The following ROBO1 variants were observed in gnomAD, a reference collection of about 807,000 sequenced individuals.
The protein encoded by ROBO1 is roundabout guidance receptor 1, also known as roundabout homolog 1.
Under a neutral mutation model 195.9 loss-of-function variants are expected in ROBO1, and 149 were observed. The observed-to-expected ratio is 0.76, with a 90% CI of 0.67 to 0.87. The LOEUF (loss-of-function observed/expected upper bound fraction) is 0.87. Ranked by LOEUF, ROBO1 falls within the 40% of genes least tolerant of loss-of-function variation. The pLI, the probability that ROBO1 is intolerant of heterozygous loss-of-function variation, is 0.00. For synonymous variants in ROBO1, 816 were observed against 733.2 expected, an observed-to-expected ratio of 1.11 and a Z score of -1.82; for missense variants, 1,933 against 2,068.3, an observed-to-expected ratio of 0.93 and a Z score of 1.27.
rs144549743 is a variant in ROBO1, at chr3:79,221,635, G to A, written c.89-96096C>T. Among the ~76,000 whole-genome samples the A allele has an allele frequency of 8.7e-3, 1,325 of 152,118 alleles. 17 individuals carry two copies. Among genetic ancestry groups the A allele is most frequent in the African/African-American group, 0.03 (1,256 of 41,516 alleles). ...GGCTTTGCCAATTCCAAATAAAAAT[G>A]AATAATGTGCCACTATACCACCTTA... On this transcript the variant is annotated intron_variant, in intron 2 of 30. Transcript: ENST00000464233.
chr3:79,466,403 G>A (rs1937960691), intron 2 of ROBO1, among the ~76,000 whole-genome samples: 1 of 152,100 alleles, frequency 6.6e-6, no homozygotes, highest in African/African-American at 2.4e-5. Flanking sequence ...TAGCACCTAC[G>A]AAGCCTAGAA....
chr3:78,683,213 T>C (rs1337365238), intron 10 of ROBO1, among the ~76,000 whole-genome samples: 3 of 152,044 alleles, frequency 2.0e-5, no homozygotes, highest in African/African-American at 7.2e-5. Context: ...GCCTTTAGTC[T>C]TGAAACTACA....
At chr3:79,715,901 T>C (rs1452575438) in intron 1 of ROBO1, among the ~76,000 whole-genome samples, 1 of 152,124 alleles carries the variant, frequency 6.6e-6, no homozygotes, top group African/African-American at 2.4e-5. Context: ...TATTTGGATG[T>C]ATAAATTCCC....
intron 23 of ROBO1, among the ~76,000 whole-genome samples, chr3:78,635,210 C>A (rs1024744162): frequency 2.0e-5 from 3 of 152,164 alleles, no homozygotes; most frequent in Non-Finnish European, 4.4e-5. Context: ...ATTTTAGGTT[C>A]TATACGGACA....
intron 2 of ROBO1, among the ~76,000 whole-genome samples, chr3:79,166,404 CT>C (rs2081064283): frequency 6.6e-6 from 1 of 151,856 alleles, no homozygotes; most frequent in Non-Finnish European, 1.5e-5. Flanking sequence ...ATTTTTTATT[CT>C]TGTAGAATTA....
chr3:79,281,277 G>T (rs1405325981), intron 2 of ROBO1, among the ~76,000 whole-genome samples: 1 of 151,712 alleles, frequency 6.6e-6, no homozygotes, highest in Admixed American at 6.6e-5. Flanking sequence ...TTGTTAAAAT[G>T]TTTTTCTCCA....
intron 3 of ROBO1, among the ~76,000 whole-genome samples, chr3:79,113,621 G>A (rs2079934329): frequency 6.6e-6 from 1 of 151,896 alleles, no homozygotes; most frequent in Non-Finnish European, 1.5e-5. Context: ...TACAAAATTA[G>A]CCAGGCACAG....
intron 2 of ROBO1, among the ~76,000 whole-genome samples, chr3:79,283,729 G>T (rs188429241): frequency 0.044 from 6,439 of 145,990 alleles, 251 homozygotes; most frequent in African/African-American, 0.11. Flanking sequence ...ACGGAGTCTC[G>T]CTCTGTCGCC....
chr3:78,722,767 AG>A (rs1252545642), intron 5 of ROBO1, among the ~76,000 whole-genome samples: 1 of 152,144 alleles, frequency 6.6e-6, no homozygotes, highest in Non-Finnish European at 1.5e-5. Context: ...CGGGCTCTGG[AG>A]TCAGACTACT....
intron 8 of ROBO1, among the ~76,000 whole-genome samples, chr3:78,711,386 C>CTTTCTTTCTTT (rs1260508542): frequency 5.8e-5 from 2 of 34,394 alleles, no homozygotes; most frequent in African/African-American, 1.1e-4. Flanking sequence ...TTCCTTCCTT[C>CTTTCTTTCTTT]CTTCCTTCCT....
chr3:78,614,161 G>T (rs1264919060), intron 28 of ROBO1, among the ~76,000 whole-genome samples: 1 of 152,086 alleles, frequency 6.6e-6, no homozygotes, highest in Non-Finnish European at 1.5e-5. Context: ...GTATGTGAAG[G>T]CATGAAGAAA....
chr3:78,792,667 A>G (rs987293742), intron 4 of ROBO1, among the ~76,000 whole-genome samples: 4 of 152,232 alleles, frequency 2.6e-5, no homozygotes, highest in African/African-American at 9.6e-5. Context: ...TCAACATTTT[A>G]TATCAATTAA....
intron 2 of ROBO1, among the ~76,000 whole-genome samples, chr3:79,421,979 A>G (rs946116625): frequency 7.3e-5 from 11 of 151,590 alleles, no homozygotes; most frequent in Admixed American, 5.9e-4. Context: ...GTACATTTTT[A>G]TATCCACTCT....
intron 3 of ROBO1, among the ~76,000 whole-genome samples, chr3:78,945,321 C>T (rs2040370852): frequency 6.6e-6 from 1 of 152,138 alleles, no homozygotes; most frequent in African/African-American, 2.4e-5. Flanking sequence ...TGAGACAAAA[C>T]TTCCAGAGGA....
intron 4 of ROBO1, among the ~76,000 whole-genome samples, chr3:78,919,447 GC>G (rs1340239659): frequency 1.3e-5 from 2 of 152,186 alleles, no homozygotes; most frequent in Non-Finnish European, 2.9e-5. Context: ...GCTGAACATG[GC>G]CCAAGAACAG....
intron 2 of ROBO1, among the ~76,000 whole-genome samples, chr3:79,328,847 G>T (rs760781103): frequency 1.3e-5 from 2 of 150,704 alleles, no homozygotes; most frequent in African/African-American, 4.9e-5. Flanking sequence ...TCATTCTAAT[G>T]CCTTTGTGTC....
intron 4 of ROBO1, among the ~76,000 whole-genome samples, chr3:78,851,603 T>C (rs2034071053): frequency 6.6e-6 from 1 of 152,192 alleles, no homozygotes; most frequent in Non-Finnish European, 1.5e-5. Flanking sequence ...TGGTTAATAA[T>C]TCTCACAGAT....
At chr3:79,627,061 T>C (rs1019880382) in intron 1 of ROBO1, among the ~76,000 whole-genome samples, 2 of 152,194 alleles carry the variant, frequency 1.3e-5, no homozygotes, top group South Asian at 2.1e-4. Context: ...ATTGTCAAAA[T>C]GGCCATACTG....
At chr3:79,568,625 T>C (rs1156263298) in intron 2 of ROBO1, among the ~76,000 whole-genome samples, 1 of 151,984 alleles carries the variant, frequency 6.6e-6, no homozygotes, top group African/African-American at 2.4e-5. Flanking sequence ...GTGCAAAATT[T>C]GGTTTGTTCA....
Sources: gnomAD v4.1 joint callset for allele counts (sites outside exome capture counted in the v4.1 genomes callset) on GRCh38, gnomAD v4.1.1 for gene constraint, MANE v1.5 for transcripts, NCBI Gene and HGNC (gene_info 2026-07-23, HGNC 2026-07-21) for gene names.